Variants in TBC1D8 observed in about 807,000 individuals in gnomAD.
TBC1D8 encodes the protein TBC1 domain family member 8.
In TBC1D8, 65 loss-of-function variants were observed where a neutral mutation model predicts 118.8. That is an observed-to-expected ratio of 0.55 (90% CI 0.45 to 0.67). The LOEUF (loss-of-function observed/expected upper bound fraction) is 0.67, where lower values mean the gene tolerates loss of function less well. Among genes scored for constraint, TBC1D8 ranks in the 30% least tolerant of loss-of-function variants. The probability of loss-of-function intolerance (pLI) is 0.00; values close to 1 mark genes in which losing one functional copy is unlikely to be tolerated. For missense variants in TBC1D8, 1,376 were observed against 1,471.2 expected (o/e 0.94, Z 1.06); for synonymous variants, 566 against 595.8 (o/e 0.95, Z 0.73).
intron 2 of TBC1D8, among the ~76,000 whole-genome samples, chr2:101,072,373 G>GGAGA (rs1558675386): frequency 6.6e-6 from 1 of 151,848 alleles, no homozygotes; most frequent in African/African-American, 2.4e-5. Flanking sequence ...AGAGAGAGAA[G>GGAGA]GAGAGAGAGA....
intron 1 of TBC1D8, among the ~76,000 whole-genome samples, chr2:101,103,859 G>C (rs66824812): frequency 0.32 from 48,683 of 151,682 alleles, 7,894 homozygotes; most frequent in East Asian, 0.38. Flanking sequence ...AAGATAAAAA[G>C]TGAAAATAAA....
At chr2:101,032,207 T>A (rs1359473675) in intron 11 of TBC1D8, 61 bp downstream of exon 11, 2 of 1,468,734 alleles carry the variant, frequency 1.4e-6, no homozygotes. Flanking sequence ...ATGAGAAACA[T>A]CCTGCCCAGG....
At chr2:101,027,726 G>A (rs1680418683) in intron 14 of TBC1D8, among the ~76,000 whole-genome samples, 1 of 152,230 alleles carries the variant, frequency 6.6e-6, no homozygotes, top group South Asian at 2.1e-4. Context: ...AGCATGAGCA[G>A]GAGGAGCCTT....
chr2:101,088,628 G>A (rs1192437472), intron 2 of TBC1D8, among the ~76,000 whole-genome samples: 1 of 152,082 alleles, frequency 6.6e-6, no homozygotes, highest in East Asian at 1.9e-4. Context: ...CACTCAGGCT[G>A]GAGGGCAGTG....
At chr2:101,068,768 G>A (rs987500529) in intron 2 of TBC1D8, 3 of 231,492 alleles carry the variant, frequency 1.3e-5, no homozygotes, top group East Asian at 2.3e-4. Flanking sequence ...GGAGGCCAAC[G>A]CAGGGAGATC....
intron 1 of TBC1D8, among the ~76,000 whole-genome samples, chr2:101,097,998 T>C (rs967612715): frequency 2.0e-5 from 3 of 152,204 alleles, no homozygotes; most frequent in African/African-American, 7.2e-5. Flanking sequence ...TAAGGAAGTA[T>C]AGTTGACATG....
At chr2:101,038,804 C>T (rs1681199222) in intron 6 of TBC1D8, 149 bp from the exon 7 acceptor site, 1 of 891,420 alleles carries the variant, frequency 1.1e-6, no homozygotes, top group Non-Finnish European at 1.7e-6. Context: ...ACTGCTCACC[C>T]CCACCACAAG....
rs552301212 is a variant in TBC1D8 at position 101,012,193 on chromosome 2, A to T, written c.2828-653T>A. The stretch of plus-strand genomic sequence containing the variant: ...AGTTAAAGTTACCATTTGACTCAGA[A>T]ATCTCACTTCTACATATACACCCAA... On this transcript the variant is annotated intron_variant, in intron 17 of 19. Coordinates refer to ENST00000409318, the MANE Select transcript of TBC1D8 (RefSeq NM_001330348.2). 7.9e-5 allele frequency among the ~76,000 whole-genome samples: 12 copies of T among 152,340 alleles called. No individual in the cohort carries two copies. The South Asian group carries it at 2.5e-3, about 32-fold the overall frequency.
At chr2:101,053,924 G>A (rs1682221608) in intron 4 of TBC1D8, among the ~76,000 whole-genome samples, 184 bp downstream of exon 4, 1 of 152,236 alleles carries the variant, frequency 6.6e-6, no homozygotes, top group Admixed American at 6.5e-5. Flanking sequence ...AGTAGAAAAA[G>A]TGAATTCTCC....
intron 2 of TBC1D8, among the ~76,000 whole-genome samples, chr2:101,069,008 A>G (rs1041895299): frequency 6.6e-6 from 1 of 151,266 alleles, no homozygotes; most frequent in Non-Finnish European, 1.5e-5. Flanking sequence ...TTCAAGAAAA[A>G]AAAAAAAAAA....
intron 3 of TBC1D8, among the ~76,000 whole-genome samples, chr2:101,058,051 C>G (rs1250998055): frequency 3.3e-5 from 5 of 152,138 alleles, no homozygotes; most frequent in Non-Finnish European, 5.9e-5. Flanking sequence ...CCAAGAAACG[C>G]AGGGTAAGTG....
rs375034446 is a variant in TBC1D8 at position 101,014,842 on chromosome 2, TTC to T, written c.2828-3304_2828-3303del. 2.6e-3 allele frequency among the ~76,000 whole-genome samples: 401 copies of T among 152,326 alleles called. 1 individual carries two copies. Among genetic ancestry groups the T allele is most frequent in the African/African-American group, 9.2e-3 (381 of 41,572 alleles). ...AGTGGGTATAACTTGAGTGCCAAAC[TTC>T]TCTCTTAGACAACCAGTAGTCACAT... On this transcript the variant is annotated intron_variant, in intron 17 of 19. Coordinates refer to ENST00000409318, the MANE Select transcript of TBC1D8 (RefSeq NM_001330348.2).
intron 2 of TBC1D8, among the ~76,000 whole-genome samples, chr2:101,088,067 A>G (rs1675755342): frequency 1.3e-5 from 2 of 152,218 alleles, no homozygotes; most frequent in Admixed American, 6.5e-5. Flanking sequence ...AAGCAAGTGT[A>G]ATACTTTTGT....
Position 101,015,465 on chromosome 2 carries a change from T to C in TBC1D8, c.2828-3925A>G, listed in dbSNP as rs142756400. ...AATTAACCTCAGCTTACTGTAACTT[T>C]TTACTTTATAAACTTTTTGACTCTT... On this transcript the variant is annotated intron_variant, in intron 17 of 19. Coordinates refer to ENST00000409318, the MANE Select transcript of TBC1D8 (RefSeq NM_001330348.2). Among the ~76,000 whole-genome samples the C allele has an allele frequency of 4.5e-3, 686 of 152,296 alleles. 7 individuals are homozygous for C. The highest frequency in any genetic ancestry group is 0.016 in the African/African-American group (650 of 41,576).
chr2:101,072,727 C>G (rs1276949592), intron 2 of TBC1D8, among the ~76,000 whole-genome samples: 1 of 152,158 alleles, frequency 6.6e-6, no homozygotes, highest in Non-Finnish European at 1.5e-5. Flanking sequence ...GGAGGCCAAG[C>G]TCAGGCAGTA....
At chr2:101,027,362 C>CA in intron 15 of TBC1D8, 21 bp downstream of exon 15, 1 of 1,611,242 alleles carries the variant, frequency 6.2e-7, no homozygotes, top group Middle Eastern at 1.7e-4. Context: ...TGGAACCCCT[C>CA]ATCTTCCCAG....
intron 1 of TBC1D8, among the ~76,000 whole-genome samples, chr2:101,136,518 C>T (rs961551090): frequency 2.0e-5 from 3 of 152,110 alleles, no homozygotes; most frequent in Admixed American, 6.5e-5. Context: ...GAAAGAGAAC[C>T]GAATCCCCAC....
intron 1 of TBC1D8, among the ~76,000 whole-genome samples, chr2:101,148,449 G>C (rs149362712): frequency 2.0e-5 from 3 of 152,256 alleles, no homozygotes; most frequent in African/African-American, 7.2e-5. Context: ...AAATAAATTG[G>C]TATATTGTAA....
rs928621495 is a variant in TBC1D8, at chr2:101,086,961, T to A, written c.283+3248A>T. 8.6e-5 allele frequency among the ~76,000 whole-genome samples: 13 copies of A among 152,046 alleles called. 1 individual carries two copies. In the East Asian group the frequency reaches 2.3e-3, roughly 27 times the overall value. ...ACCACCCCTGGCTAATTTCTGTACT[T>A]TTAGTAGAGATGGGGTTTCCCCATG... On this transcript the variant is annotated intron_variant, in intron 2 of 19. Coordinates refer to ENST00000409318, the MANE Select transcript of TBC1D8 (RefSeq NM_001330348.2).
Sources: allele counts gnomAD v4.1 joint callset (sites outside exome capture counted in the v4.1 genomes callset), GRCh38; gene constraint gnomAD v4.1.1; transcripts MANE v1.5; gene names NCBI Gene and HGNC (gene_info 2026-07-23, HGNC 2026-07-21).